RASGEF1C: variants seen among roughly 807,000 people sequenced by gnomAD.
The protein encoded by RASGEF1C is ras-GEF domain-containing family member 1C.
A neutral mutation model predicts 58.1 loss-of-function variants in RASGEF1C; 27 were observed. The observed-to-expected ratio is 0.46, with a 90% CI of 0.34 to 0.64. The LOEUF (loss-of-function observed/expected upper bound fraction) is 0.64. Ranked by LOEUF, RASGEF1C falls within the 30% of genes least tolerant of loss-of-function variation. RASGEF1C has a pLI of 0.01. For synonymous variants in RASGEF1C, 243 were observed against 246.3 expected, an observed-to-expected ratio of 0.99 and a Z score of 0.13; for missense variants, 502 against 605.1, an observed-to-expected ratio of 0.83 and a Z score of 1.79.
rs1167770862 is a variant in RASGEF1C at position 180,155,851 on chromosome 5, C to T, written c.-6-17793G>A. 2.0e-5 allele frequency among the ~76,000 whole-genome samples: 3 copies of T among 152,166 alleles called. No individual in the cohort carries two copies. The highest frequency in any genetic ancestry group is 2.9e-5 in the Non-Finnish European group (2 of 68,026). On this transcript the variant is annotated intron_variant, in intron 1 of 13. Transcript: ENST00000361132. This position sits in a 1 kb window ranked among gnomAD's most constrained non-coding sequence, Gnocchi z 5.2. ...TGCTGCCTTCCCTTCAGGAACTTCT[C>T]CCCGTTGGCTGAAGCCTGAGTCAGG...
chr5:180,181,091 C>G (rs1368356638), intron 1 of RASGEF1C, among the ~76,000 whole-genome samples: 1 of 152,208 alleles, frequency 6.6e-6, no homozygotes, highest in Non-Finnish European at 1.5e-5. Flanking sequence ...AGGAACCCCA[C>G]GTGGCTGCGG....
intron 1 of RASGEF1C, among the ~76,000 whole-genome samples, chr5:180,173,726 A>C (rs868367720): frequency 1.3e-5 from 2 of 152,124 alleles, no homozygotes; most frequent in Non-Finnish European, 2.9e-5. Context: ...CAGCCTGGCC[A>C]ACATGGTGAA....
chr5:180,179,889 C>G (rs1468782451), intron 1 of RASGEF1C, among the ~76,000 whole-genome samples: 5 of 152,230 alleles, frequency 3.3e-5, no homozygotes, highest in Admixed American at 2.0e-4. Flanking sequence ...GTGTCAGTTT[C>G]CTCCTTTACC....
intron 4 of RASGEF1C, among the ~76,000 whole-genome samples, chr5:180,132,837 C>T (rs908700314): frequency 1.3e-5 from 2 of 152,218 alleles, no homozygotes; most frequent in Admixed American, 6.5e-5. Flanking sequence ...GGCGTGGTGG[C>T]GCACGCCTGT....
intron 1 of RASGEF1C, among the ~76,000 whole-genome samples, chr5:180,182,323 G>C (rs969362041): frequency 2.0e-5 from 3 of 151,164 alleles, no homozygotes; most frequent in Admixed American, 1.3e-4. Context: ...TTGTGGTCTC[G>C]CTGACTTCAA....
chr5:180,104,084 T>C (rs997596682), intron 12 of RASGEF1C, among the ~76,000 whole-genome samples: 1 of 152,236 alleles, frequency 6.6e-6, no homozygotes, highest in African/African-American at 2.4e-5. Context: ...CTTATTTTGT[T>C]AAGGATTCTT....
intron 11 of RASGEF1C, 68 bp from the exon 12 acceptor site, chr5:180,111,648 GCT>G: frequency 6.4e-7 from 1 of 1,572,366 alleles, no homozygotes; most frequent in African/African-American, 1.3e-5. Context: ...AGGGGGAGGG[GCT>G]GGTCCTGGCA....
chr5:180,161,323 G>A (rs1374937295), intron 1 of RASGEF1C, among the ~76,000 whole-genome samples: 1 of 152,256 alleles, frequency 6.6e-6, no homozygotes, highest in East Asian at 1.9e-4. Context: ...CTTTTGGGAG[G>A]TGAGTGGGCT....
chr5:180,167,287 GA>G (rs1377622569), intron 1 of RASGEF1C, among the ~76,000 whole-genome samples: 1 of 152,096 alleles, frequency 6.6e-6, no homozygotes, highest in Non-Finnish European at 1.5e-5. Flanking sequence ...GTTCAGATTG[GA>G]TAATTTCTGT....
Position 180,122,710 on chromosome 5 carries a change from C to T in RASGEF1C, c.715-1561G>A, listed in dbSNP as rs1417667776. Among the ~76,000 whole-genome samples the T allele has an allele frequency of 2.8e-5, 4 of 142,942 alleles. No homozygotes were observed. In the East Asian group the frequency reaches 8.5e-4, roughly 30 times the overall value. The allele number at this position is 142,942 out of a possible 152,430, so 93.8% of individuals were successfully genotyped here. A position where few individuals can be genotyped will look rare whatever the true frequency, so the allele number is the denominator to read the frequency against. On this transcript the variant is annotated intron_variant, in intron 6 of 13. Transcript: ENST00000361132. ...GAGCCGAGATTGTGCCACCGCACTC[C>T]AGCCTGGGAAACAAGAGCGAAACTT...
At chr5:180,117,850 CG>C (rs1227827654) in intron 10 of RASGEF1C, among the ~76,000 whole-genome samples, 1 of 151,896 alleles carries the variant, frequency 6.6e-6, no homozygotes, top group African/African-American at 2.4e-5. Context: ...AAAAATTAGC[CG>C]GGCATGGTAG....
chr5:180,174,609 T>A (rs1767189422), intron 1 of RASGEF1C, among the ~76,000 whole-genome samples: 1 of 7,740 alleles, frequency 1.3e-4, no homozygotes, highest in Non-Finnish European at 3.2e-4. Flanking sequence ...TGTGCACGCA[T>A]GTGTGTGTCT....
chr5:180,153,068 A>T (rs192978559), intron 1 of RASGEF1C, among the ~76,000 whole-genome samples: 1 of 152,122 alleles, frequency 6.6e-6, no homozygotes, highest in African/African-American at 2.4e-5. Context: ...ACTGCTTTTG[A>T]ATGTTCTAGT....
intron 1 of RASGEF1C, among the ~76,000 whole-genome samples, chr5:180,176,872 T>C (rs1173445142): frequency 6.6e-6 from 1 of 152,152 alleles, no homozygotes; most frequent in African/African-American, 2.4e-5. Flanking sequence ...CTAATACTTT[T>C]TTCCAGAAAG....
At chr5:180,179,931 C>T (rs184433749) in intron 1 of RASGEF1C, among the ~76,000 whole-genome samples, 24 of 152,276 alleles carry the variant, frequency 1.6e-4, no homozygotes, top group Non-Finnish European at 2.9e-4. Flanking sequence ...CGTCCGTCAA[C>T]GAGTTTTTAT....
intron 1 of RASGEF1C, among the ~76,000 whole-genome samples, chr5:180,193,159 C>A (rs1205003457): frequency 7.0e-6 from 1 of 143,588 alleles, no homozygotes; most frequent in Non-Finnish European, 1.5e-5. Flanking sequence ...GGGTTCACAC[C>A]ATTCTCCTGC....
At chr5:180,208,795 C>T (rs1245906603) in intron 1 of RASGEF1C, among the ~76,000 whole-genome samples, 2 of 151,962 alleles carry the variant, frequency 1.3e-5, no homozygotes, top group South Asian at 4.1e-4. Flanking sequence ...AGCTGGGTCT[C>T]CCGCCAGGTG....
At chr5:180,128,746 G>C in intron 4 of RASGEF1C, 136 bp from the exon 5 acceptor site, 1 of 877,578 alleles carries the variant, frequency 1.1e-6, no homozygotes, top group Non-Finnish European at 1.8e-6. Context: ...AGGTACCAGC[G>C]CAGGGGCCAG....
Position 180,114,629 on chromosome 5 carries a change from GCC to G in RASGEF1C, c.1084-90_1084-89del. 2.3e-6 allele frequency: 3 copies of G among 1,307,544 alleles called. No individual in the cohort carries two copies. The East Asian group carries it at 7.9e-5, about 35-fold the overall frequency. The allele number at this position is 1,307,544 out of a possible 1,614,324, so 81.0% of individuals were successfully genotyped here. A position where few individuals can be genotyped will look rare whatever the true frequency, so the allele number is the denominator to read the frequency against. The stretch of plus-strand genomic sequence containing the variant: ...GGGGCAGCCTTGCCAGCAGATAGCT[GCC>G]CCAGGGACCTCAGACCCGACCCCAG... On this transcript the variant is annotated intron_variant, in intron 10 of 13. Transcript: ENST00000361132.
Sources: allele counts gnomAD v4.1 joint callset (sites outside exome capture counted in the v4.1 genomes callset), GRCh38; gene constraint gnomAD v4.1.1; non-coding constraint Gnocchi (gnomAD v3.1); transcripts MANE v1.5; gene names NCBI Gene and HGNC (gene_info 2026-07-23, HGNC 2026-07-21).